SEMA6A: variants seen among roughly 807,000 people sequenced by gnomAD.
The protein encoded by SEMA6A is semaphorin-6A.
A neutral mutation model predicts 96.8 loss-of-function variants in SEMA6A; 25 were observed. The ratio of observed to expected loss-of-function variants is 0.26; its 90% confidence interval spans 0.19 to 0.36. The LOEUF (loss-of-function observed/expected upper bound fraction) is 0.36. Ranked by LOEUF, SEMA6A falls within the 10% of genes least tolerant of loss-of-function variation. The pLI, the probability that SEMA6A is intolerant of heterozygous loss-of-function variation, is 1.00. For synonymous variants in SEMA6A, 612 were observed against 518.0 expected, an observed-to-expected ratio of 1.18 and a Z score of -2.46; for missense variants, 1,363 against 1,323.1, an observed-to-expected ratio of 1.03 and a Z score of -0.47.
rs200684571 is a variant in SEMA6A at position 116,473,127 on chromosome 5, T to C, written c.1709-34A>G. ...CAAAAGGGAGGAGAAGGTTACTTAA[T>C]GTTTTACGCTCTGCTTGGGGCGACT... On this transcript the variant is annotated intron_variant, in intron 16 of 18. Transcript: ENST00000343348. 69 of 1,580,340 alleles carry C rather than the reference T, an allele frequency of 4.4e-5. No individual in the cohort carries two copies. In the African/African-American group the frequency reaches 8.1e-4, roughly 18 times the overall value.
At chr5:116,547,448 T>C (rs1028326167) in intron 1 of SEMA6A, among the ~76,000 whole-genome samples, 1 of 151,492 alleles carries the variant, frequency 6.6e-6, no homozygotes, top group Non-Finnish European at 1.5e-5. Context: ...ATTTGAGACA[T>C]GTGTTGTAGA....
chr5:116,481,917 CA>C (rs1237015030), intron 11 of SEMA6A, among the ~76,000 whole-genome samples: 1 of 152,146 alleles, frequency 6.6e-6, no homozygotes, highest in African/African-American at 2.4e-5. Context: ...CAAAACCTGG[CA>C]GACCAGAGAC....
At chr5:116,450,921 A>C (rs929585955) in intron 18 of SEMA6A, among the ~76,000 whole-genome samples, 1 of 152,222 alleles carries the variant, frequency 6.6e-6, no homozygotes, top group Non-Finnish European at 1.5e-5. Context: ...CTTTCTGCTT[A>C]TATCATGAAA....
In SEMA6A at chr5:116,477,362, G is replaced by A. The variant is rs150813873; in HGVS notation, c.1649+484C>T. Among the ~76,000 whole-genome samples, 77 of 152,274 alleles carry A rather than the reference G, an allele frequency of 5.1e-4. 1 individual carries two copies. The East Asian group carries it at 0.013, about 26-fold the overall frequency. On this transcript the variant is annotated intron_variant, in intron 15 of 18. Transcript: ENST00000343348. ...GTAATAGGGTCAACTGTTCTTCAGC[G>A]CAGGAAAAGGTTTATTGGATGTATA...
rs2112560116 is a variant in SEMA6A, at chr5:116,444,365, T to C, written c.*2248A>G. The stretch of plus-strand genomic sequence containing the variant: ...GGTCTGAAGGCAACCACACTGATTA[T>C]GGAGGCTCCACTTTTTCACTATCCA... On this transcript the variant is annotated 3_prime_UTR_variant, in exon 19 of 19. Coordinates refer to ENST00000343348, the MANE Select transcript of SEMA6A (RefSeq NM_020796.5). 6.6e-6 allele frequency: 1 copy of C among 152,350 alleles called. No homozygotes were observed. The highest frequency in any genetic ancestry group is 2.1e-4 in the South Asian group (1 of 4,826). The allele number at this position is 152,350 out of a possible 1,614,324, so 9.4% of individuals were successfully genotyped here.
At chr5:116,569,680 C>T (rs1026523415) in intron 1 of SEMA6A, among the ~76,000 whole-genome samples, 2 of 151,974 alleles carry the variant, frequency 1.3e-5, no homozygotes, top group Non-Finnish European at 2.9e-5. Flanking sequence ...GCAGGTATTC[C>T]AAAGGTGGAG....
At chr5:116,500,040 C>T (rs1469876960) in intron 3 of SEMA6A, among the ~76,000 whole-genome samples, 1 of 152,196 alleles carries the variant, frequency 6.6e-6, no homozygotes, top group South Asian at 2.1e-4. Flanking sequence ...TTGTTTTGAT[C>T]AGCCCTTAGA....
At chr5:116,514,485 A>G (rs1279066524) in intron 1 of SEMA6A, among the ~76,000 whole-genome samples, 1 of 151,996 alleles carries the variant, frequency 6.6e-6, no homozygotes, top group Non-Finnish European at 1.5e-5. Context: ...TTTTTCTTGT[A>G]AACTTGTGTA....
intron 18 of SEMA6A, among the ~76,000 whole-genome samples, chr5:116,455,772 G>C (rs775329083): frequency 8.5e-5 from 13 of 152,126 alleles, no homozygotes; most frequent in Non-Finnish European, 1.6e-4. Context: ...ATGAGACTGG[G>C]TGTTACTGGT....
At chr5:116,485,803 A>G (rs1757021670) in intron 10 of SEMA6A, among the ~76,000 whole-genome samples, 2 of 152,370 alleles carry the variant, frequency 1.3e-5, no homozygotes, top group Non-Finnish European at 2.9e-5. Context: ...AACACAGTGC[A>G]TGAATTTAGA....
intron 1 of SEMA6A, chr5:116,507,915 C>T (rs1758224045): frequency 6.6e-6 from 1 of 152,178 alleles, no homozygotes; most frequent in African/African-American, 2.4e-5. Context: ...CACAGAAAAC[C>T]TTAAGAACAT....
At position 116,460,043 on chromosome 5, in the gene SEMA6A, C is replaced by T. The variant is rs113622185; in HGVS notation, c.1894+7540G>A. Among the ~76,000 whole-genome samples, 189 of 151,188 alleles carry T rather than the reference C, an allele frequency of 1.3e-3. 1 individual carries two copies. Among genetic ancestry groups the T allele is most frequent in the African/African-American group, 4.3e-3 (177 of 41,030 alleles). ...GAATTCCAGTTCTACCCCTCCAAAGCCATGAAAATGATAAAAAAATAAAAA... is the reference window on the plus strand; with the variant it reads ...GAATTCCAGTTCTACCCCTCCAAAGTCATGAAAATGATAAAAAAATAAAAA... On this transcript the variant is annotated intron_variant, in intron 18 of 18. Coordinates refer to ENST00000343348, the MANE Select transcript of SEMA6A (RefSeq NM_020796.5).
At chr5:116,534,607 G>A (rs143898471) in intron 1 of SEMA6A, among the ~76,000 whole-genome samples, 2 of 152,328 alleles carry the variant, frequency 1.3e-5, no homozygotes, top group African/African-American at 4.8e-5. Context: ...GTGGGTTCCT[G>A]ATAGCCCCTC....
rs753774896 is a variant in SEMA6A, at chr5:116,447,758, G to C, written c.1948C>G (p.Leu650Val). Reference protein sequence around the residue: ...KGHDQLVPVTLLAIAVILAFV... With the variant: ...KGHDQLVPVTVLAIAVILAFV... Reference sequence around the variant, plus strand: ...GCCAGGATGACTGCAATGGCCAAGAGGGTGACGGGAACCAGCTGGTCGTGG... The same window carrying C: ...GCCAGGATGACTGCAATGGCCAAGACGGTGACGGGAACCAGCTGGTCGTGG... Residue 650 changes from leucine (L) to valine (V), a missense_variant, in exon 19 of 19, where the codon CTC becomes GTC. Around this residue, in one of 2 missense-constraint regions of SEMA6A, gnomAD observed 883 missense variants for 763.6 expected, o/e 1.16. Transcript: ENST00000343348. 6 of 1,611,844 alleles carry C rather than the reference G, an allele frequency of 3.7e-6. No individual in the cohort carries two copies. The highest frequency in any genetic ancestry group is 5.1e-6 in the Non-Finnish European group (6 of 1,178,152).
At position 116,493,595 on chromosome 5, in the gene SEMA6A, C is replaced by T. The variant is rs373907990; in HGVS notation, c.445-1765G>A. ...CCTGAGCCACATGCCTCACTTGCTC[C>T]ACCCTAATCCTGGCCCTGTTGGTGC... On this transcript the variant is annotated intron_variant, in intron 6 of 18. Coordinates refer to ENST00000343348, the MANE Select transcript of SEMA6A (RefSeq NM_020796.5). 6.6e-5 allele frequency among the ~76,000 whole-genome samples: 10 copies of T among 152,198 alleles called. No individual in the cohort carries two copies. In the East Asian group the frequency reaches 1.4e-3, roughly 21 times the overall value.
intron 6 of SEMA6A, among the ~76,000 whole-genome samples, chr5:116,495,022 T>A (rs1580434735): frequency 6.6e-6 from 1 of 152,228 alleles, no homozygotes; most frequent in East Asian, 1.9e-4. Flanking sequence ...GCCGTGCTTT[T>A]GAGATACCTT....
chr5:116,572,863 G>C (rs1411182202), intron 1 of SEMA6A, among the ~76,000 whole-genome samples: 1 of 152,214 alleles, frequency 6.6e-6, no homozygotes, highest in Non-Finnish European at 1.5e-5. Flanking sequence ...TGCCGCCCCT[G>C]GCTTTCAGGG....
At chr5:116,554,430 A>C (rs1431138677) in intron 1 of SEMA6A, among the ~76,000 whole-genome samples, 1 of 152,234 alleles carries the variant, frequency 6.6e-6, no homozygotes, top group African/African-American at 2.4e-5. Flanking sequence ...ACTTTAAAAC[A>C]GCTTTAGGTT....
At chr5:116,455,146 A>C (rs541910951) in intron 18 of SEMA6A, among the ~76,000 whole-genome samples, 1 of 152,258 alleles carries the variant, frequency 6.6e-6, no homozygotes, top group Non-Finnish European at 1.5e-5. Context: ...TTAGAGAAGA[A>C]ACAGCTTCAT....
Sources: allele counts gnomAD v4.1 joint callset (sites outside exome capture counted in the v4.1 genomes callset), GRCh38; gene constraint gnomAD v4.1.1; regional missense constraint gnomAD v4.1.1; transcripts MANE v1.5; gene names NCBI Gene and HGNC (gene_info 2026-07-23, HGNC 2026-07-21).